Variants in LRIG3 observed in about 807,000 individuals in gnomAD.
The protein encoded by LRIG3 is leucine rich repeats and immunoglobulin like domains 3.
In LRIG3, 76 loss-of-function variants were observed where a neutral mutation model predicts 114.5. The observed-to-expected ratio is 0.66, with a 90% CI of 0.55 to 0.80. The LOEUF is 0.80. Ranked by LOEUF, LRIG3 falls within the 30% of genes least tolerant of loss-of-function variation. The pLI is 0.00. For missense variants in LRIG3, 1,239 were observed against 1,382.8 expected (o/e 0.90, Z 1.65); for synonymous variants, 512 against 519.8 (o/e 0.98, Z 0.20).
intron 10 of LRIG3, among the ~76,000 whole-genome samples, chr12:58,885,219 A>G (rs1441976670): frequency 1.3e-5 from 2 of 152,174 alleles, no homozygotes; most frequent in African/African-American, 4.8e-5. Context: ...GAAAACAACA[A>G]AAAAGAGAAC....
chr12:58,919,996 T>G lies in LRIG3; in HGVS notation c.236+4A>C, dbSNP rs1411850638. 8 of 1,550,734 alleles carry G rather than the reference T, an allele frequency of 5.2e-6. No individual in the cohort carries two copies. Among genetic ancestry groups the G allele is most frequent in the Non-Finnish European group, 7.0e-6 (8 of 1,147,144 alleles). ...CCCCCTCCCCCCGCGGGAAGAATAC[T>G]TACAGCCGAGCGACCCAGGACGGGA... On this transcript the variant is annotated splice_donor_region_variant and intron_variant, in intron 1 of 18. Coordinates refer to ENST00000320743, the MANE Select transcript of LRIG3 (RefSeq NM_153377.5).
At chr12:58,886,654 G>A (rs1462367976) in intron 9 of LRIG3, among the ~76,000 whole-genome samples, 156 bp downstream of exon 9, 7 of 152,128 alleles carry the variant, frequency 4.6e-5, no homozygotes, top group Admixed American at 2.6e-4. Flanking sequence ...TACATCTTGC[G>A]CAACAGCAGG....
At chr12:58,913,665 T>C (rs2291799) in intron 3 of LRIG3, 32,529 of 215,102 alleles carry the variant, frequency 0.15, 3,352 homozygotes, top group African/African-American at 0.29. Context: ...TGAGCGATAC[T>C]AAAATTAAAG....
chr12:58,899,166 C>A (rs1871753511), intron 3 of LRIG3, among the ~76,000 whole-genome samples: 1 of 152,218 alleles, frequency 6.6e-6, no homozygotes, highest in Non-Finnish European at 1.5e-5. Context: ...TGCATTTCTA[C>A]CAAGTTCCCA....
chr12:58,901,059 C>T (rs778901141), intron 3 of LRIG3, among the ~76,000 whole-genome samples: 14 of 152,164 alleles, frequency 9.2e-5, no homozygotes, highest in Non-Finnish European at 1.8e-4. Context: ...TTTGATGAAT[C>T]GTGATCCAAA....
Position 58,877,514 on chromosome 12 carries a change from C to T in LRIG3, c.2422G>A (p.Val808Met). The T allele has an allele frequency of 1.2e-6, 2 of 1,614,236 alleles. No homozygotes were observed. The highest frequency in any genetic ancestry group is 1.7e-6 in the Non-Finnish European group (2 of 1,180,048). The change falls in exon 15 of 19, where the codon GTG becomes ATG. Residue 808 changes from valine (V) to methionine (M), a missense_variant. Physicochemically the swap from Val to Met is conservative, Grantham distance 21. Transcript: ENST00000320743. ...PSLDDDGWAT[V>M]GVVIIAVVCC... ...ACCACGGCTATGATCACGACACCCA[C>T]AGTGGCCCATCCGTCATCGTCTAAC...
intron 3 of LRIG3, among the ~76,000 whole-genome samples, chr12:58,910,023 G>T (rs1458723226): frequency 1.3e-5 from 2 of 152,122 alleles, no homozygotes; most frequent in Non-Finnish European, 2.9e-5. Flanking sequence ...ACATGTTTCG[G>T]TGTCCTACCA....
chr12:58,883,660 G>C (rs1871186282), intron 10 of LRIG3, 69 bp from the exon 11 acceptor site: 1 of 1,146,866 alleles, frequency 8.7e-7, no homozygotes, highest in African/African-American at 1.5e-5. Flanking sequence ...ACAAAGTTTG[G>C]GCCCCCACTG....
At chr12:58,874,680 A>T in intron 16 of LRIG3, 107 bp from the exon 17 acceptor site, 2 of 1,442,650 alleles carry the variant, frequency 1.4e-6, no homozygotes, top group Non-Finnish European at 9.3e-7. Context: ...TGACTAGAAC[A>T]TCATATAGAC....
At position 58,888,776 on chromosome 12, in the gene LRIG3, T is replaced by C. The variant is rs142818980; in HGVS notation, c.803+43A>G. On this transcript the variant is annotated intron_variant, in intron 6 of 18. Transcript: ENST00000320743. ...TGCTGAATGTACACTGAGCATTCTA[T>C]GATCATACTACCTCAGTAGGAACTG... The C allele has an allele frequency of 8.1e-5, 130 of 1,602,086 alleles. 1 individual carries two copies. The African/African-American group carries it at 1.6e-3, about 20-fold the overall frequency.
chr12:58,877,433 G>A lies in LRIG3; in HGVS notation c.2503C>T (p.Arg835Trp), dbSNP rs369366724. 6.2e-6 allele frequency: 10 copies of A among 1,613,808 alleles called. No individual in the cohort carries two copies. Among genetic ancestry groups the A allele is most frequent in the African/African-American group, 5.3e-5 (4 of 74,852 alleles). ...VWVVIIYHTR[R>W]RNEDCSITNT... ...GTAATGCTGCAATCTTCATTCCTCCGCCTTGTGTGGTATATGATGACCACC... is the reference window on the plus strand; with the variant it reads ...GTAATGCTGCAATCTTCATTCCTCCACCTTGTGTGGTATATGATGACCACC... Residue 835 changes from arginine (R) to tryptophan (W), a missense_variant, in exon 15 of 19, where the codon CGG (arginine) becomes TGG (tryptophan). By Grantham distance (101) the Arg-to-Trp change is moderately radical (BLOSUM62 -3). Coordinates refer to ENST00000320743, the MANE Select transcript of LRIG3 (RefSeq NM_153377.5).
chr12:58,876,547 C>T lies in LRIG3; in HGVS notation c.2593G>A (p.Ala865Thr), dbSNP rs1870924115. The T allele has an allele frequency of 4.3e-6, 7 of 1,614,076 alleles. No individual in the cohort carries two copies. Among genetic ancestry groups the T allele is most frequent in the African/African-American group, 1.3e-5 (1 of 74,930 alleles). ...PSYLSSQGTL[A>T]DRQDGYVSSE... ...GACACGTACCCATCCTGCCTGTCAG[C>T]TAACGTTCCCTGAGATGACAAATAA... The change falls in exon 16 of 19, where the codon GCT becomes ACT. Residue 865 changes from alanine to threonine, a missense_variant. Ala to Thr is a moderately conservative substitution (Grantham distance 58, BLOSUM62 0). Coordinates refer to ENST00000320743, the MANE Select transcript of LRIG3 (RefSeq NM_153377.5).
intron 3 of LRIG3, 109 bp downstream of exon 3, chr12:58,913,873 A>C: frequency 1.1e-6 from 1 of 950,254 alleles, no homozygotes; most frequent in Non-Finnish European, 1.6e-6. Flanking sequence ...CTATGCCCTG[A>C]AAAAAATATT....
intron 3 of LRIG3, among the ~76,000 whole-genome samples, chr12:58,893,320 T>C (rs1871518630): frequency 6.6e-6 from 1 of 152,212 alleles, no homozygotes; most frequent in Non-Finnish European, 1.5e-5. Context: ...AAAATCCAAG[T>C]CATCAGAAAA....
chr12:58,893,817 C>T (rs191484761), intron 3 of LRIG3, among the ~76,000 whole-genome samples: 122 of 152,312 alleles, frequency 8.0e-4, no homozygotes, highest in Non-Finnish European at 1.1e-3. Flanking sequence ...TCTATCCCCT[C>T]CCCTATCCCT....
intron 3 of LRIG3, among the ~76,000 whole-genome samples, chr12:58,905,787 T>TCTGTG (rs1239976033): frequency 6.6e-6 from 1 of 152,176 alleles, no homozygotes; most frequent in Non-Finnish European, 1.5e-5. Flanking sequence ...CTACACCGGC[T>TCTGTG]TAGGGATTCT....
intron 3 of LRIG3, among the ~76,000 whole-genome samples, chr12:58,900,280 A>G (rs1014999009): frequency 6.7e-6 from 1 of 148,978 alleles, no homozygotes. Flanking sequence ...GAGGTTCTCA[A>G]GCACCTTTTT....
rs751384137 is a variant in LRIG3 at position 58,920,170 on chromosome 12, C to T, written c.66G>A (p.Gly22=). The T allele has an allele frequency of 3.3e-6, 5 of 1,537,024 alleles. No individual in the cohort carries two copies. In the South Asian group the frequency reaches 4.8e-5, roughly 15 times the overall value. ...CGCCGCTGTCTGACCGGCCAGCGCGCCCCAGCACCGCGCACAGCAGCAGCC... is the reference window on the plus strand; with the variant it reads ...CGCCGCTGTCTGACCGGCCAGCGCGTCCCAGCACCGCGCACAGCAGCAGCC... ...GLGLLLCAVL[G]RAGRSDSGGR... Residue 22 remains glycine (G), a synonymous_variant, in exon 1 of 19, where the codon GGG becomes GGA. Coordinates refer to ENST00000320743, the MANE Select transcript of LRIG3 (RefSeq NM_153377.5).
At position 58,914,325 on chromosome 12, in the gene LRIG3, T is replaced by A; in HGVS notation, c.248A>T (p.His83Leu). The A allele has an allele frequency of 6.2e-7, 1 of 1,613,510 alleles. No individual in the cohort carries two copies. The highest frequency in any genetic ancestry group is 8.5e-7 in the Non-Finnish European group (1 of 1,179,526). ...TGCCTTGATGAAAGATAATCTGTTG[T>A]GACTTAAGTCCCTATAAGAAAACAA... The part of the protein sequence containing the change: ...PSWVARLDLS[H>L]NRLSFIKASS... The change falls in exon 2 of 19, where the codon CAC becomes CTC. Residue 83 changes from histidine (H) to leucine (L), a missense_variant. By Grantham distance (99) the His-to-Leu change is moderately conservative. Coordinates refer to ENST00000320743, the MANE Select transcript of LRIG3 (RefSeq NM_153377.5).
Sources: allele counts gnomAD v4.1 joint callset (sites outside exome capture counted in the v4.1 genomes callset), GRCh38; gene constraint gnomAD v4.1.1; transcripts MANE v1.5; gene names NCBI Gene and HGNC (gene_info 2026-07-23, HGNC 2026-07-21).